Variants in PPARG observed in about 807,000 individuals in gnomAD.
PPARG encodes peroxisome proliferator activated receptor gamma.
A neutral mutation model predicts 39.2 loss-of-function variants in PPARG; 17 were observed. That is an observed-to-expected ratio of 0.43 (90% confidence interval 0.30 to 0.65). The LOEUF is 0.65. PPARG is among the 30% of genes least tolerant of loss of function. The probability of loss-of-function intolerance (pLI) is 0.13; values close to 1 mark genes in which losing one functional copy is unlikely to be tolerated. For synonymous variants in PPARG, 223 were observed against 215.7 expected (o/e 1.03, Z -0.30); for missense variants, 406 against 585.9 (o/e 0.69, Z 3.17).
At chr3:12,339,404 T>A (rs2048109398) in intron 2 of PPARG, among the ~76,000 whole-genome samples, 1 of 152,324 alleles carries the variant, frequency 6.6e-6, no homozygotes, top group East Asian at 1.9e-4. Context: ...TTGCAAAGCT[T>A]GGTAAATTTA....
intron 5 of PPARG, 91 bp from the exon 6 acceptor site, chr3:12,405,791 A>G (rs529563971): frequency 4.3e-5 from 57 of 1,329,736 alleles, no homozygotes; most frequent in East Asian, 9.3e-5. Flanking sequence ...GAGGGCTTCT[A>G]CTGTGTGGGA....
chr3:12,351,083 A>G (rs957616241), intron 2 of PPARG, among the ~76,000 whole-genome samples: 3 of 152,218 alleles, frequency 2.0e-5, no homozygotes, highest in Non-Finnish European at 4.4e-5. Context: ...GTGATTAGAG[A>G]TTCAACCAGG....
intron 2 of PPARG, among the ~76,000 whole-genome samples, chr3:12,362,231 A>C (rs988847506): frequency 6.6e-6 from 1 of 152,160 alleles, no homozygotes; most frequent in African/African-American, 2.4e-5. Context: ...TTAAAAACAC[A>C]GTCTGCCTAA....
intron 2 of PPARG, chr3:12,328,182 A>T: frequency 7.3e-7 from 1 of 1,363,428 alleles, no homozygotes; most frequent in Non-Finnish European, 1.0e-6. Flanking sequence ...AGAAAAAATT[A>T]AAGAACTAGA....
Position 12,312,434 on chromosome 3 carries a change from A to G in PPARG, c.-28A>G, listed in dbSNP as rs2047272739. 1 of 152,230 alleles carries G rather than the reference A, an allele frequency of 6.6e-6. No individual in the cohort carries two copies. Among genetic ancestry groups the G allele is most frequent in the South Asian group, 2.1e-4 (1 of 4,830 alleles). The allele number at this position is 152,230 out of a possible 1,614,324, so 9.4% of individuals were successfully genotyped here. A position where few individuals can be genotyped will look rare whatever the true frequency, so the allele number is the denominator to read the frequency against. On this transcript the variant is annotated 5_prime_UTR_variant, in exon 2 of 8. Transcript: ENST00000651735. ...ATATACAACAAGGCCATTTTCTCAA[A>G]CGAGAGTCAGCCTTTAACGGTAAGT...
At chr3:12,381,230 C>A in intron 3 of PPARG, 92 bp from the exon 4 acceptor site, 2 of 1,215,808 alleles carry the variant, frequency 1.6e-6, no homozygotes, top group Non-Finnish European at 2.4e-6. Context: ...AATACAAATA[C>A]AGCATGAAGG....
chr3:12,392,807 C>T, intron 5 of PPARG, 55 bp downstream of exon 5: 2 of 1,605,816 alleles, frequency 1.2e-6, no homozygotes, highest in Non-Finnish European at 8.5e-7. Context: ...GCTGCCAGAC[C>T]AGTGGACACT....
At chr3:12,322,267 T>C (rs1460388154) in intron 2 of PPARG, among the ~76,000 whole-genome samples, 5 of 152,244 alleles carry the variant, frequency 3.3e-5, no homozygotes, top group Non-Finnish European at 7.3e-5. Context: ...CTAAGTCACA[T>C]GAAAGACTAG....
chr3:12,342,981 T>C (rs1413790322), intron 2 of PPARG, among the ~76,000 whole-genome samples: 1 of 152,222 alleles, frequency 6.6e-6, no homozygotes, highest in Admixed American at 6.5e-5. Context: ...TAAACTGTAT[T>C]GTACTTCATT....
chr3:12,394,701 G>A (rs1028038207), intron 5 of PPARG, among the ~76,000 whole-genome samples: 2 of 152,148 alleles, frequency 1.3e-5, no homozygotes, highest in African/African-American at 4.8e-5. Context: ...TTTGTTTGCT[G>A]CACAGAAAAT....
In PPARG at chr3:12,295,638, C is replaced by G. The variant is rs7430836; in HGVS notation, c.-83+6504C>G. On this transcript the variant is annotated intron_variant, in intron 1 of 7. Transcript: ENST00000651735. ...AAGTGATTCTCCTGCCTCAGCCTCC[C>G]GAGTAGCTGGGATTACAGGCGCCCA... Among the ~76,000 whole-genome samples the G allele has an allele frequency of 1.3e-5, 2 of 151,892 alleles. 1 individual carries two copies. The highest frequency in any genetic ancestry group is 1.3e-4 in the Admixed American group (2 of 15,258).
At chr3:12,337,559 C>G (rs958342477) in intron 2 of PPARG, among the ~76,000 whole-genome samples, 6 of 152,148 alleles carry the variant, frequency 3.9e-5, no homozygotes, top group African/African-American at 1.4e-4. Context: ...CTAATCTACT[C>G]TCCTTTCCCT....
chr3:12,385,138 G>A (rs1420124381), intron 4 of PPARG, among the ~76,000 whole-genome samples: 1 of 152,188 alleles, frequency 6.6e-6, no homozygotes, highest in Admixed American at 6.6e-5. Context: ...ATTAGCAAAT[G>A]TGTTTAACTC....
intron 6 of PPARG, chr3:12,406,476 A>G (rs954381443): frequency 1.7e-5 from 4 of 237,546 alleles, no homozygotes; most frequent in East Asian, 1.1e-4. Context: ...ACCTAGGTTT[A>G]GAAAAGGTAT....
intron 4 of PPARG, among the ~76,000 whole-genome samples, chr3:12,389,335 C>G: frequency 6.6e-6 from 1 of 152,082 alleles, no homozygotes; most frequent in East Asian, 1.9e-4. Flanking sequence ...TAACTGGAGT[C>G]CAGTACTGAT....
At chr3:12,308,661 A>T (rs1342181560) in intron 1 of PPARG, among the ~76,000 whole-genome samples, 1 of 152,246 alleles carries the variant, frequency 6.6e-6, no homozygotes, top group Non-Finnish European at 1.5e-5. Flanking sequence ...TAGTGGAAAT[A>T]CACTGTAATA....
At chr3:12,417,901 C>CTTTTTTTTTTTTTTTTTTTTTTT (rs1559533744) in intron 7 of PPARG, among the ~76,000 whole-genome samples, 4 of 46,114 alleles carry the variant, frequency 8.7e-5, no homozygotes, top group Admixed American at 2.5e-4. Context: ...TTTTTTTTTT[C>CTTTTTTTTTTTTTTTTTTTTTTT]CTTTTTTTTT....
intron 7 of PPARG, among the ~76,000 whole-genome samples, chr3:12,421,359 C>G (rs911448683): frequency 3.3e-5 from 5 of 152,216 alleles, no homozygotes; most frequent in African/African-American, 1.2e-4. Context: ...TGGGCGGTGT[C>G]AAGAGTAATA....
At chr3:12,376,865 A>G (rs2049431766) in intron 2 of PPARG, among the ~76,000 whole-genome samples, 1 of 152,192 alleles carries the variant, frequency 6.6e-6, no homozygotes, top group Non-Finnish European at 1.5e-5. Context: ...ATGACTGCAA[A>G]CAAGAAAGAT....
Sources: gnomAD v4.1 joint callset for allele counts (sites outside exome capture counted in the v4.1 genomes callset) on GRCh38, gnomAD v4.1.1 for gene constraint, MANE v1.5 for transcripts, NCBI Gene and HGNC (gene_info 2026-07-23, HGNC 2026-07-21) for gene names.